The following KDM6A variants were observed in gnomAD, a reference collection of about 807,000 sequenced individuals.
The protein encoded by KDM6A is lysine-specific demethylase 6A.
KDM6A carries 11 observed loss-of-function variants against 117.6 expected under a neutral mutation model. That is an observed-to-expected ratio of 0.09 (90% CI 0.06 to 0.15). The LOEUF is 0.15. Ranked by LOEUF, KDM6A falls within the 10% of genes least tolerant of loss-of-function variation. KDM6A has a pLI of 1.00. For missense variants in KDM6A, 799 were observed against 1,077.3 expected (o/e 0.74, Z 3.62); for synonymous variants, 384 against 396.1 (o/e 0.97, Z 0.36).
intron 7 of KDM6A, among the ~76,000 whole-genome samples, chrX:45,037,371 C>G (rs1484254268): frequency 8.9e-6 from 1 of 112,148 alleles, no homozygotes; most frequent in Non-Finnish European, 1.9e-5. Flanking sequence ...CATATATTCA[C>G]TTGCTATAGA....
intron 27 of KDM6A, among the ~76,000 whole-genome samples, chrX:45,101,264 T>G (rs1428367324): frequency 3.6e-5 from 4 of 111,709 alleles, no homozygotes; most frequent in African/African-American, 1.3e-4. Context: ...CTATTAGTCT[T>G]TATTTCCTCT....
chrX:44,945,394 A>G (rs2037572540), intron 2 of KDM6A, among the ~76,000 whole-genome samples: 1 of 110,624 alleles, frequency 9.0e-6, no homozygotes. Context: ...TATATTCAGG[A>G]GTAAATTTGG....
chrX:44,880,147 TG>T (rs2032103305), intron 2 of KDM6A, among the ~76,000 whole-genome samples: 1 of 97,738 alleles, frequency 1.0e-5, no homozygotes, highest in Non-Finnish European at 2.0e-5. Context: ...CACTCCAGCC[TG>T]GGCGACAGAG....
chrX:45,029,069 C>T (rs774864731), intron 6 of KDM6A, among the ~76,000 whole-genome samples: 21 of 111,888 alleles, frequency 1.9e-4, no homozygotes, highest in Admixed American at 1.8e-3. Flanking sequence ...CTTACAACAA[C>T]TTAAGGGCGT....
At chrX:45,002,576 C>T (rs1288603022) in intron 4 of KDM6A, among the ~76,000 whole-genome samples, 1 of 112,187 alleles carries the variant, frequency 8.9e-6, no homozygotes, top group African/African-American at 3.2e-5. Flanking sequence ...TCCTTTTAAT[C>T]CTTTTACCAA....
At chrX:44,958,181 A>ATTT (rs35278318) in intron 2 of KDM6A, among the ~76,000 whole-genome samples, 9 of 97,484 alleles carry the variant, frequency 9.2e-5, no homozygotes, top group African/African-American at 3.1e-4. Context: ...TCTTTAATGA[A>ATTT]TTTTTTTTTT....
At chrX:44,919,117 C>T (rs143416136) in intron 2 of KDM6A, among the ~76,000 whole-genome samples, 646 of 111,855 alleles carry the variant, frequency 5.8e-3, no homozygotes, top group Non-Finnish European at 9.7e-3. Flanking sequence ...CATTCCTGCA[C>T]TCAGTTTACC....
intron 4 of KDM6A, among the ~76,000 whole-genome samples, chrX:44,991,417 A>G (rs1196768068): frequency 9.2e-6 from 1 of 108,808 alleles, no homozygotes. Flanking sequence ...CCAGACCACT[A>G]TCTAGTTCAG....
intron 2 of KDM6A, among the ~76,000 whole-genome samples, chrX:44,927,156 T>G (rs2036353894): frequency 9.0e-6 from 1 of 111,251 alleles, no homozygotes; most frequent in Non-Finnish European, 1.9e-5. Flanking sequence ...TTGCAGTTAG[T>G]CTTTTCTTTA....
intron 8 of KDM6A, among the ~76,000 whole-genome samples, chrX:45,048,711 C>T (rs1322715568): frequency 9.2e-6 from 1 of 108,247 alleles, no homozygotes; most frequent in Non-Finnish European, 1.9e-5. Flanking sequence ...AGTGCCGTTT[C>T]CTTCCTTTAA....
chrX:44,926,659 C>CA (rs1220276764), intron 2 of KDM6A, among the ~76,000 whole-genome samples: 1 of 111,553 alleles, frequency 9.0e-6, no homozygotes. Context: ...TAGATATTGA[C>CA]ACTTTTTCTC....
chrX:45,012,941 C>T (rs1281103079), intron 5 of KDM6A, among the ~76,000 whole-genome samples: 2 of 111,488 alleles, frequency 1.8e-5, no homozygotes, highest in Non-Finnish European at 3.8e-5. Context: ...ATTAAATTAT[C>T]CTAAATAAAG....
intron 3 of KDM6A, among the ~76,000 whole-genome samples, chrX:44,967,875 T>C (rs2039112312): frequency 8.9e-6 from 1 of 112,565 alleles, no homozygotes; most frequent in African/African-American, 3.2e-5. Flanking sequence ...GTGATATGAA[T>C]GAAGAGTTTA....
At chrX:44,917,872 A>C (rs1238461786) in intron 2 of KDM6A, among the ~76,000 whole-genome samples, 1 of 112,218 alleles carries the variant, frequency 8.9e-6, no homozygotes, top group African/African-American at 3.2e-5. Context: ...TTTAGTTAAT[A>C]ATGTCTAGTT....
At chrX:45,041,307 C>T (rs1466015828) in intron 8 of KDM6A, among the ~76,000 whole-genome samples, 25 of 90,222 alleles carry the variant, frequency 2.8e-4, no homozygotes, top group African/African-American at 1.1e-3. Flanking sequence ...GGGGGCTGAC[C>T]CCCCCACCTC....
At chrX:45,019,777 G>T (rs1269556049) in intron 5 of KDM6A, among the ~76,000 whole-genome samples, 1 of 111,081 alleles carries the variant, frequency 9.0e-6, no homozygotes, top group African/African-American at 3.3e-5. Flanking sequence ...ATTTTTCTTT[G>T]TCATTATTTT....
Position 44,990,641 on chromosome X carries a change from G to T in KDM6A, c.384+15926G>T, listed in dbSNP as rs773161496. Among the ~76,000 whole-genome samples, 11 of 111,350 alleles carry T rather than the reference G, an allele frequency of 9.9e-5. No individual in the cohort carries two copies. The South Asian group carries it at 3.3e-3, about 34-fold the overall frequency. ...TTTGTAACTTCCTCACAAAGTTCTC[G>T]TGCTTCTTATAAATAATGTATTTTA... On this transcript the variant is annotated intron_variant, in intron 4 of 29. Coordinates refer to ENST00000611820, the MANE Select transcript of KDM6A (RefSeq NM_001291415.2).
In KDM6A at chrX:45,076,910, C is replaced by T. The variant is rs146233457; in HGVS notation, c.2988+84C>T. ...AAAATCTTTAAATTTACATGGATGC[C>T]CTTTAGGAAACATTACAATTATTGG... On this transcript the variant is annotated intron_variant, in intron 19 of 29. Transcript: ENST00000611820. 103 of 863,763 alleles carry T rather than the reference C, an allele frequency of 1.2e-4. No homozygotes were observed. In the African/African-American group the frequency reaches 1.6e-3, roughly 13 times the overall value. The allele number at this position is 863,763 out of a possible 1,213,427, so 71.2% of individuals were successfully genotyped here.
intron 2 of KDM6A, among the ~76,000 whole-genome samples, chrX:44,953,523 A>G (rs2038141118): frequency 8.9e-6 from 1 of 112,282 alleles, no homozygotes; most frequent in Non-Finnish European, 1.9e-5. Context: ...TTAATCAGGT[A>G]GGAAAAGTAT....
Sources: allele counts gnomAD v4.1 joint callset (sites outside exome capture counted in the v4.1 genomes callset), GRCh38; gene constraint gnomAD v4.1.1; transcripts MANE v1.5; gene names NCBI Gene and HGNC (gene_info 2026-07-23, HGNC 2026-07-21).